TRAK2: variants seen among roughly 807,000 people sequenced by gnomAD.
TRAK2 encodes the protein trafficking kinesin protein 2.
Under a neutral mutation model 104.6 loss-of-function variants are expected in TRAK2, and 81 were observed. That is an observed-to-expected ratio of 0.77 (90% confidence interval 0.65 to 0.93). TRAK2 has a LOEUF of 0.93. TRAK2 is among the 40% of genes least tolerant of loss of function. The pLI, the probability that TRAK2 is intolerant of heterozygous loss-of-function variation, is 0.00. For synonymous variants in TRAK2, 406 were observed against 394.4 expected, an observed-to-expected ratio of 1.03 and a Z score of -0.35; for missense variants, 1,002 against 1,089.0, an observed-to-expected ratio of 0.92 and a Z score of 1.12.
chr2:201,409,523 T>C (rs1160039786), intron 2 of TRAK2, among the ~76,000 whole-genome samples: 1 of 152,180 alleles, frequency 6.6e-6, no homozygotes, highest in Non-Finnish European at 1.5e-5. Context: ...ACTCTAAATA[T>C]ATCCAAGTGA....
intron 7 of TRAK2, 66 bp downstream of exon 7, chr2:201,397,436 C>T (rs1480645496): frequency 5.4e-5 from 59 of 1,098,126 alleles, no homozygotes; most frequent in Non-Finnish European, 7.1e-5. Flanking sequence ...ATCTAACTTC[C>T]GAGGTGGAGA....
intron 1 of TRAK2, among the ~76,000 whole-genome samples, chr2:201,430,860 G>T (rs4675054): frequency 0.97 from 147,497 of 152,308 alleles, 71,607 homozygotes; most frequent in East Asian, 1. Flanking sequence ...GAGATGAACC[G>T]GGTACTTCAG....
intron 13 of TRAK2, 68 bp from the exon 14 acceptor site, chr2:201,386,552 C>A: frequency 6.4e-7 from 1 of 1,556,846 alleles, no homozygotes; most frequent in South Asian, 1.1e-5. Flanking sequence ...AAAACACAAG[C>A]TAAAATTATA....
chr2:201,399,525 A>G, intron 4 of TRAK2, 32 bp from the exon 5 acceptor site: 1 of 1,540,862 alleles, frequency 6.5e-7, no homozygotes, highest in South Asian at 1.1e-5. Context: ...CTTTTCTTTG[A>G]GTATAAACAA....
chr2:201,442,609 C>T (rs1384607682), intron 1 of TRAK2, among the ~76,000 whole-genome samples: 1 of 152,098 alleles, frequency 6.6e-6, no homozygotes. Context: ...CACAGGCACG[C>T]CCCCCATTAT....
At chr2:201,426,823 A>G (rs909869518) in intron 1 of TRAK2, among the ~76,000 whole-genome samples, 24 of 152,210 alleles carry the variant, frequency 1.6e-4, no homozygotes, top group African/African-American at 5.8e-4. Flanking sequence ...TTAGATCTAA[A>G]TAAGCCCTTT....
At position 201,380,748 on chromosome 2, in the gene TRAK2, A is replaced by C; in HGVS notation, c.2540T>G (p.Val847Gly). The C allele has an allele frequency of 1.2e-6, 2 of 1,614,054 alleles. No homozygotes were observed. Among genetic ancestry groups the C allele is most frequent in the Non-Finnish European group, 1.7e-6 (2 of 1,179,994 alleles). Reference sequence around the variant, plus strand: ...ATTCTCTTGGGCACCAGGGTTCTTGACCACTCTGGCTATCCCCAGTCTCTT... The same window carrying C: ...ATTCTCTTGGGCACCAGGGTTCTTGCCCACTCTGGCTATCCCCAGTCTCTT... ...RLKRLGIARVVKNPGAQENGR... is the reference protein window; with the variant it reads ...RLKRLGIARVGKNPGAQENGR... The change falls in exon 16 of 16, where the codon GTC (valine) becomes GGC (glycine). Residue 847 changes from valine (V) to glycine (G), a missense_variant. Coordinates refer to ENST00000332624, the MANE Select transcript of TRAK2 (RefSeq NM_015049.3).
intron 12 of TRAK2, 140 bp downstream of exon 12, chr2:201,389,160 A>G (rs913737303): frequency 1.2e-6 from 1 of 821,996 alleles, no homozygotes; most frequent in Non-Finnish European, 2.0e-6. Context: ...GAATAATGAT[A>G]CAAGGCATCA....
Position 201,386,786 on chromosome 2 carries a change from G to A in TRAK2, c.1697-302C>T, listed in dbSNP as rs112697373. On this transcript the variant is annotated intron_variant, in intron 13 of 15. Transcript: ENST00000332624. ...CTGCTGAGGCAGTGATGGAAGATACGTGCCTAAGAGGTGGGCTGTATTTTC... is the reference window on the plus strand; with the variant it reads ...CTGCTGAGGCAGTGATGGAAGATACATGCCTAAGAGGTGGGCTGTATTTTC... 2.6e-3 allele frequency among the ~76,000 whole-genome samples: 389 copies of A among 152,274 alleles called. 2 individuals are homozygous for A. Among genetic ancestry groups the A allele is most frequent in the African/African-American group, 8.5e-3 (355 of 41,554 alleles).
intron 1 of TRAK2, among the ~76,000 whole-genome samples, chr2:201,430,121 C>A (rs985399447): frequency 2.0e-5 from 3 of 152,188 alleles, no homozygotes; most frequent in Non-Finnish European, 4.4e-5. Context: ...CTGGGTATCA[C>A]CAGCGGGGGC....
intron 1 of TRAK2, among the ~76,000 whole-genome samples, chr2:201,440,485 C>T (rs1437790790): frequency 6.6e-6 from 1 of 152,164 alleles, no homozygotes; most frequent in African/African-American, 2.4e-5. Flanking sequence ...TTCTCCTCCT[C>T]CTTTGGCACT....
In TRAK2 at chr2:201,423,734, C is replaced by T. The variant is rs1242711171; in HGVS notation, c.-199-3028G>A. On this transcript the variant is annotated intron_variant, in intron 1 of 15. Transcript: ENST00000332624. ...AATGGCAAATTTTACATGTCTTTTA[C>T]TGAAACTAAGTACTGTACTATATAA... The T allele has an allele frequency of 2.6e-5, 4 of 152,010 alleles. No homozygotes were observed. The East Asian group carries it at 7.7e-4, about 29-fold the overall frequency. The allele number at this position is 152,010 out of a possible 1,614,324, so 9.4% of individuals were successfully genotyped here.
chr2:201,387,626 G>T, intron 13 of TRAK2, 77 bp downstream of exon 13: 1 of 1,402,928 alleles, frequency 7.1e-7, no homozygotes, highest in South Asian at 1.4e-5. Context: ...CTATAATTAA[G>T]ACACAAATCT....
chr2:201,417,139 C>T (rs1232884113), intron 2 of TRAK2, among the ~76,000 whole-genome samples: 3 of 135,098 alleles, frequency 2.2e-5, no homozygotes, highest in Non-Finnish European at 4.8e-5. Context: ...AAGATGATAC[C>T]AATTCCACAC....
intron 2 of TRAK2, 70 bp downstream of exon 2, chr2:201,420,347 T>A: frequency 7.7e-7 from 1 of 1,303,300 alleles, no homozygotes; most frequent in South Asian, 1.2e-5. Flanking sequence ...AGGTCATATA[T>A]GCTGGACTGA....
At position 201,400,640 on chromosome 2, in the gene TRAK2, G is replaced by A. The variant is rs189399585; in HGVS notation, c.363+378C>T. Among the ~76,000 whole-genome samples the A allele has an allele frequency of 7.6e-3, 1,156 of 152,100 alleles. 5 individuals are homozygous for A. Among genetic ancestry groups the A allele is most frequent in the Middle Eastern group, 0.02 (6 of 294 alleles). On this transcript the variant is annotated intron_variant, in intron 4 of 15. Transcript: ENST00000332624. Reference sequence around the variant, plus strand: ...CACAGCCCAAACTAAAAGTAAAAAAGGGGAGATGCTCCAAACTGCAGGTAT... The same window carrying A: ...CACAGCCCAAACTAAAAGTAAAAAAAGGGAGATGCTCCAAACTGCAGGTAT...
At chr2:201,387,680 AAG>A in intron 13 of TRAK2, 21 bp downstream of exon 13, 2 of 1,539,096 alleles carry the variant, frequency 1.3e-6, no homozygotes, top group Non-Finnish European at 1.8e-6. Flanking sequence ...ATGGCTTAGT[AAG>A]GGCCCTTACT....
chr2:201,410,884 A>AATTC, intron 2 of TRAK2: 1 of 1,586,294 alleles, frequency 6.3e-7, no homozygotes, highest in East Asian at 2.2e-5. Flanking sequence ...CAAAGCACTG[A>AATTC]AGTTTGGCAA....
In TRAK2 at chr2:201,380,744, C is replaced by A; in HGVS notation, c.2544G>T (p.Lys848Asn). The change falls in exon 16 of 16, where the codon AAG becomes AAT. Residue 848 changes from lysine (K) to asparagine (N), a missense_variant. By Grantham distance (94) the Lys-to-Asn change is moderately conservative (BLOSUM62 0). Coordinates refer to ENST00000332624, the MANE Select transcript of TRAK2 (RefSeq NM_015049.3). The part of the protein sequence containing the change: ...LKRLGIARVV[K>N]NPGAQENGRC... The stretch of plus-strand genomic sequence containing the variant: ...TTCCATTCTCTTGGGCACCAGGGTT[C>A]TTGACCACTCTGGCTATCCCCAGTC... The A allele has an allele frequency of 6.2e-7, 1 of 1,614,126 alleles. No individual in the cohort carries two copies. Among genetic ancestry groups the A allele is most frequent in the East Asian group, 2.2e-5 (1 of 44,882 alleles).
Sources: allele counts gnomAD v4.1 joint callset (sites outside exome capture counted in the v4.1 genomes callset), GRCh38; gene constraint gnomAD v4.1.1; transcripts MANE v1.5; gene names NCBI Gene and HGNC (gene_info 2026-07-23, HGNC 2026-07-21).